The following INTS7 variants were observed in gnomAD, a reference collection of about 807,000 sequenced individuals.
INTS7 encodes the protein integrator complex subunit 7.
Under a neutral mutation model 109.2 loss-of-function variants are expected in INTS7, and 46 were observed. The ratio of observed to expected loss-of-function variants is 0.42; its 90% confidence interval spans 0.33 to 0.54. The LOEUF (loss-of-function observed/expected upper bound fraction) is 0.54. INTS7 is among the 20% of genes least tolerant of loss of function. INTS7 has a pLI of 0.07. For missense variants in INTS7, 929 were observed against 1,132.4 expected (o/e 0.82, Z 2.58); for synonymous variants, 412 against 402.9 (o/e 1.02, Z -0.27).
In INTS7 at chr1:211,959,935, T is replaced by A. The variant is rs1663540975; in HGVS notation, c.2183+6495A>T. 6.6e-6 allele frequency among the ~76,000 whole-genome samples: 1 copy of A among 152,152 alleles called. No individual in the cohort carries two copies. The highest frequency in any genetic ancestry group is 1.5e-5 in the Non-Finnish European group (1 of 68,040). On this transcript the variant is annotated intron_variant, in intron 16 of 19. Coordinates refer to ENST00000366994, the MANE Select transcript of INTS7 (RefSeq NM_015434.4). This position sits in a 1 kb window ranked among gnomAD's most constrained non-coding sequence, Gnocchi z 4.2. ...AAGGCCGGCATCCCAGACCTGCTAG[T>A]ATCCTGCCGCGGTGGACAAGTGTGC...
chr1:212,024,665 G>T (rs1404972137), intron 1 of INTS7, among the ~76,000 whole-genome samples: 1 of 152,160 alleles, frequency 6.6e-6, no homozygotes, highest in Admixed American at 6.5e-5. Context: ...TCCATACAAT[G>T]AACTACTACT....
intron 1 of INTS7, among the ~76,000 whole-genome samples, chr1:212,026,588 A>C (rs553872802): frequency 4.6e-5 from 7 of 152,006 alleles, no homozygotes; most frequent in Non-Finnish European, 1.0e-4. Context: ...CTTTTCTAAA[A>C]GCCTGATATG....
At chr1:211,954,666 T>C (rs1315195189) in intron 16 of INTS7, among the ~76,000 whole-genome samples, 1 of 152,236 alleles carries the variant, frequency 6.6e-6, no homozygotes, top group Non-Finnish European at 1.5e-5. Context: ...CCTTTCCCCA[T>C]TGCTTGTTTT....
chr1:211,954,604 T>C (rs1301211134), intron 16 of INTS7, among the ~76,000 whole-genome samples: 2 of 152,244 alleles, frequency 1.3e-5, no homozygotes, highest in Non-Finnish European at 2.9e-5. Context: ...CAGTTTCAGC[T>C]TTCTACATAT....
At chr1:212,008,787 G>A (rs536815280) in intron 5 of INTS7, among the ~76,000 whole-genome samples, 2 of 152,202 alleles carry the variant, frequency 1.3e-5, no homozygotes, top group South Asian at 4.1e-4. Flanking sequence ...ATTAGTGAAA[G>A]GATTCTATCA....
chr1:211,987,729 A>C (rs575723648), intron 8 of INTS7, among the ~76,000 whole-genome samples, 157 bp downstream of exon 8: 3 of 152,338 alleles, frequency 2.0e-5, no homozygotes, highest in Non-Finnish European at 4.4e-5. Context: ...CATAGGCATT[A>C]GTTAAGAAAT....
chr1:212,005,346 T>G (rs952863977), intron 7 of INTS7, among the ~76,000 whole-genome samples: 1 of 152,144 alleles, frequency 6.6e-6, no homozygotes, highest in Non-Finnish European at 1.5e-5. Flanking sequence ...TTGGAAGGTG[T>G]AAAGTTTCAA....
chr1:211,999,884 C>G (rs545738126), intron 7 of INTS7, among the ~76,000 whole-genome samples: 2 of 151,922 alleles, frequency 1.3e-5, no homozygotes, highest in South Asian at 4.1e-4. Context: ...GCACGTGGAT[C>G]ACCTGAGGTC....
At position 211,959,619 on chromosome 1, in the gene INTS7, CTGCTGG is replaced by C. The variant is rs934476652; in HGVS notation, c.2183+6805_2183+6810del. On this transcript the variant is annotated intron_variant, in intron 16 of 19. Coordinates refer to ENST00000366994, the MANE Select transcript of INTS7 (RefSeq NM_015434.4). The surrounding 1 kb of genome is among the most constrained non-coding windows in gnomAD (Gnocchi z 4.2). ...GCACGTTCACCTTGCCCTGCCACTG[CTGCTGG>C]TGCATTCTGCCCCCATTACCCCCGC... Among the ~76,000 whole-genome samples the C allele has an allele frequency of 1.8e-4, 28 of 152,300 alleles. No individual in the cohort carries two copies. Among genetic ancestry groups the C allele is most frequent in the African/African-American group, 5.5e-4 (23 of 41,562 alleles).
chr1:211,997,603 G>A (rs1361270739), intron 7 of INTS7, among the ~76,000 whole-genome samples: 1 of 151,372 alleles, frequency 6.6e-6, no homozygotes, highest in Non-Finnish European at 1.5e-5. Flanking sequence ...TATTGGCCAG[G>A]CACAGTGGCT....
chr1:211,988,881 G>A (rs1665020933), intron 7 of INTS7, among the ~76,000 whole-genome samples: 1 of 152,148 alleles, frequency 6.6e-6, no homozygotes, highest in East Asian at 1.9e-4. Flanking sequence ...CAGGTAGTTT[G>A]AAGTATTACC....
At chr1:212,017,679 T>G (rs1032946745) in intron 3 of INTS7, among the ~76,000 whole-genome samples, 1 of 152,212 alleles carries the variant, frequency 6.6e-6, no homozygotes, top group Non-Finnish European at 1.5e-5. Context: ...CAGAAAGGCA[T>G]ACATTTTAGA....
chr1:212,021,242 A>C, intron 1 of INTS7, 30 bp from the exon 2 acceptor site: 1 of 1,578,164 alleles, frequency 6.3e-7, no homozygotes, highest in Non-Finnish European at 8.6e-7. Flanking sequence ...CAGAGAGGGA[A>C]GAACAGTTTG....
chr1:211,984,508 G>C (rs927747680), intron 8 of INTS7, among the ~76,000 whole-genome samples: 4 of 152,024 alleles, frequency 2.6e-5, no homozygotes, highest in African/African-American at 9.7e-5. Context: ...ATATAATCAG[G>C]ATATGTAGAT....
intron 13 of INTS7, among the ~76,000 whole-genome samples, chr1:211,969,546 CTTTTCTTTTTTTTT>C: frequency 8.3e-6 from 1 of 121,098 alleles, no homozygotes; most frequent in Non-Finnish European, 1.8e-5. Context: ...TTTTCTTTTT[CTTTTCTTTTTTTTT>C]TTTTTTTTTT....
In INTS7 at chr1:212,008,136, T is replaced by C. The variant is rs112441414; in HGVS notation, c.557-687A>G. Among the ~76,000 whole-genome samples, 52 of 152,302 alleles carry C rather than the reference T, an allele frequency of 3.4e-4. 1 individual carries two copies. The highest frequency in any genetic ancestry group is 1.2e-3 in the African/African-American group (51 of 41,558). Reference sequence around the variant, plus strand: ...GCTGGCTTTTCCATGGTGAAATAATTGTGGGTATGAACGTAAGACAGCATT... The same window carrying C: ...GCTGGCTTTTCCATGGTGAAATAATCGTGGGTATGAACGTAAGACAGCATT... On this transcript the variant is annotated intron_variant, in intron 5 of 19. Coordinates refer to ENST00000366994, the MANE Select transcript of INTS7 (RefSeq NM_015434.4).
intron 7 of INTS7, among the ~76,000 whole-genome samples, chr1:212,006,005 T>G (rs2102466487): frequency 6.6e-6 from 1 of 152,328 alleles, no homozygotes; most frequent in East Asian, 1.9e-4. Flanking sequence ...AGCTGAGAGA[T>G]AAAAACTACC....
chr1:211,967,831 G>A lies in INTS7; in HGVS notation c.2114+47C>T, dbSNP rs551610443. On this transcript the variant is annotated intron_variant, in intron 15 of 19. Coordinates refer to ENST00000366994, the MANE Select transcript of INTS7 (RefSeq NM_015434.4). ...TATCTGAGGTAGTCCGTATTTAAAA[G>A]AATACTTCCAAAAAGAACAAGAAGT... 2.3e-5 allele frequency: 23 copies of A among 1,004,776 alleles called. No homozygotes were observed. In the South Asian group the frequency reaches 3.2e-4, roughly 14 times the overall value. 62.2% of individuals were successfully genotyped at this position (1,004,776 alleles called of 1,614,324 possible). A position where few individuals can be genotyped will look rare whatever the true frequency, so the allele number is the denominator to read the frequency against.
chr1:212,032,300 C>T (rs1667200513), intron 1 of INTS7, among the ~76,000 whole-genome samples: 1 of 152,066 alleles, frequency 6.6e-6, no homozygotes, highest in Admixed American at 6.5e-5. Context: ...TACTTGGGTC[C>T]CTGACCCTCC....
Sources: gnomAD v4.1 joint callset for allele counts (sites outside exome capture counted in the v4.1 genomes callset) on GRCh38, gnomAD v4.1.1 for gene constraint, Gnocchi (gnomAD v3.1) non-coding constraint, MANE v1.5 for transcripts, NCBI Gene and HGNC (gene_info 2026-07-23, HGNC 2026-07-21) for gene names.